Variants in CSMD1 observed in about 807,000 individuals in gnomAD.
CSMD1 encodes the protein CUB and Sushi multiple domains 1, also known as CUB and sushi domain-containing protein 1.
In CSMD1, 213 loss-of-function variants were observed where a neutral mutation model predicts 417.5. The observed-to-expected ratio is 0.51, with a 90% CI of 0.46 to 0.57. The LOEUF (loss-of-function observed/expected upper bound fraction) is 0.57, where lower values mean the gene tolerates loss of function less well. Among genes scored for constraint, CSMD1 ranks in the 20% least tolerant of loss-of-function variants. CSMD1 has a pLI of 0.00. For synonymous variants in CSMD1, 2,862 were observed against 1,736.8 expected (o/e 1.65, Z -16.11); for missense variants, 6,923 against 4,529.7 (o/e 1.53, Z -15.17).
At chr8:3,458,226 C>A (rs578019518) in intron 12 of CSMD1, among the ~76,000 whole-genome samples, 1 of 152,308 alleles carries the variant, frequency 6.6e-6, no homozygotes, top group Admixed American at 6.5e-5. Flanking sequence ...GCCACTAACA[C>A]TGGAATTTAA....
chr8:4,259,347 C>G (rs758794466), intron 3 of CSMD1, among the ~76,000 whole-genome samples: 12 of 152,102 alleles, frequency 7.9e-5, no homozygotes, highest in Non-Finnish European at 1.2e-4. Flanking sequence ...AGCCTGAGAA[C>G]AGGAAAGCGA....
chr8:3,917,000 C>T (rs1381186109), intron 5 of CSMD1, among the ~76,000 whole-genome samples: 1 of 152,118 alleles, frequency 6.6e-6, no homozygotes, highest in African/African-American at 2.4e-5. Flanking sequence ...CTCCACTGCC[C>T]TATGAAGCAT....
At chr8:3,855,576 G>C (rs982916482) in intron 5 of CSMD1, among the ~76,000 whole-genome samples, 2 of 152,130 alleles carry the variant, frequency 1.3e-5, no homozygotes, top group African/African-American at 2.4e-5. Context: ...GATTAACTGA[G>C]TTTCAGTTGG....
intron 3 of CSMD1, among the ~76,000 whole-genome samples, chr8:4,185,207 G>C (rs11136707): frequency 0.17 from 25,295 of 148,614 alleles, 2,322 homozygotes; most frequent in East Asian, 0.29. Flanking sequence ...ATGCAAAAAT[G>C]AGTACAGGCT....
chr8:4,085,808 A>T (rs955201347), intron 3 of CSMD1, among the ~76,000 whole-genome samples: 3 of 152,154 alleles, frequency 2.0e-5, no homozygotes, highest in Admixed American at 2.0e-4. Flanking sequence ...AGACACCATG[A>T]AGCTTCCTGA....
Position 4,043,067 on chromosome 8 carries a change from G to C in CSMD1, c.416-10968C>G, listed in dbSNP as rs6982533. 9.5e-3 allele frequency among the ~76,000 whole-genome samples: 1,440 copies of C among 152,146 alleles called. 22 individuals are homozygous for C. Among genetic ancestry groups the C allele is most frequent in the African/African-American group, 0.033 (1,368 of 41,496 alleles). ...GAATCACTTGAACCTTGGAGGCACA[G>C]GGTGCAGTGAGCGGAAATTGCACCA... On this transcript the variant is annotated intron_variant, in intron 3 of 69. Coordinates refer to ENST00000635120, the MANE Select transcript of CSMD1 (RefSeq NM_033225.6).
intron 13 of CSMD1, among the ~76,000 whole-genome samples, chr8:3,408,488 T>A (rs1006285040): frequency 6.6e-6 from 1 of 150,792 alleles, no homozygotes; most frequent in Non-Finnish European, 1.5e-5. Flanking sequence ...TCCTTTCCAG[T>A]TGACTGAAAA....
chr8:4,160,687 C>T (rs769829108), intron 3 of CSMD1, among the ~76,000 whole-genome samples: 8 of 152,246 alleles, frequency 5.3e-5, no homozygotes, highest in African/African-American at 1.9e-4. Flanking sequence ...CAATGTCCCA[C>T]ACTCCATGTC....
intron 1 of CSMD1, among the ~76,000 whole-genome samples, chr8:4,975,940 A>G (rs1166377267): frequency 6.6e-6 from 1 of 152,224 alleles, no homozygotes; most frequent in East Asian, 1.9e-4. Flanking sequence ...ATAAAACATA[A>G]TTTTATTTAC....
intron 1 of CSMD1, among the ~76,000 whole-genome samples, chr8:4,740,045 G>A (rs2116999806): frequency 6.6e-6 from 1 of 152,090 alleles, no homozygotes; most frequent in South Asian, 2.1e-4. Context: ...GAATGCCACA[G>A]CTCTGGGAAT....
At chr8:3,794,063 A>G (rs1585008053) in intron 5 of CSMD1, among the ~76,000 whole-genome samples, 2 of 152,276 alleles carry the variant, frequency 1.3e-5, no homozygotes, top group Admixed American at 6.5e-5. Flanking sequence ...GTGTTCCACC[A>G]TCATTGGCTT....
At chr8:4,342,719 G>A (rs958349245) in intron 3 of CSMD1, among the ~76,000 whole-genome samples, 1 of 152,060 alleles carries the variant, frequency 6.6e-6, no homozygotes, top group African/African-American at 2.4e-5. Flanking sequence ...TTAGCAAAGG[G>A]AGAACATTCC....
At chr8:4,511,574 T>A (rs1183693145) in intron 2 of CSMD1, among the ~76,000 whole-genome samples, 1 of 151,736 alleles carries the variant, frequency 6.6e-6, no homozygotes, top group Non-Finnish European at 1.5e-5. Flanking sequence ...GAGGTGGGGG[T>A]CATAGGACAA....
chr8:2,961,694 C>T lies in CSMD1; in HGVS notation c.9629-480G>A, dbSNP rs1483456553. 2.0e-5 allele frequency among the ~76,000 whole-genome samples: 3 copies of T among 152,150 alleles called. No homozygotes were observed. In the East Asian group the frequency reaches 5.8e-4, roughly 29 times the overall value. ...GAACCACATGGAAAACCAAGAGTGA[C>T]ATTTTTCAAAAAACACAGGACTTGG... On this transcript the variant is annotated intron_variant, in intron 61 of 69. Transcript: ENST00000635120.
intron 11 of CSMD1, among the ~76,000 whole-genome samples, chr8:3,478,860 T>C (rs569338008): frequency 5.3e-5 from 8 of 152,102 alleles, no homozygotes; most frequent in Non-Finnish European, 8.8e-5. Context: ...ATATAAATGA[T>C]CTCACCTGGG....
chr8:4,112,908 C>T (rs761510376), intron 3 of CSMD1, among the ~76,000 whole-genome samples: 2 of 152,058 alleles, frequency 1.3e-5, no homozygotes, highest in Non-Finnish European at 2.9e-5. Context: ...TCTATTGGAG[C>T]CATTTCTCCA....
At chr8:4,056,112 C>T (rs1369619317) in intron 3 of CSMD1, among the ~76,000 whole-genome samples, 7 of 123,918 alleles carry the variant, frequency 5.6e-5, no homozygotes, top group African/African-American at 2.1e-4. Flanking sequence ...GACAGAGTCT[C>T]ACTTTGTCAC....
chr8:3,850,375 G>A (rs993460317), intron 5 of CSMD1, among the ~76,000 whole-genome samples: 3 of 152,140 alleles, frequency 2.0e-5, no homozygotes, highest in Non-Finnish European at 4.4e-5. Flanking sequence ...TGTCCTGTAA[G>A]CACTGACACT....
Position 3,968,646 on chromosome 8 carries a change from T to C in CSMD1, c.818+29257A>G, listed in dbSNP as rs181684570. On this transcript the variant is annotated intron_variant, in intron 5 of 69. Transcript: ENST00000635120. ...CTACATAGAACACAGTCTGAGGCTC[T>C]ACTGTCCTAAATCCCGAAAGCTGAT... Among the ~76,000 whole-genome samples, 436 of 152,304 alleles carry C rather than the reference T, an allele frequency of 2.9e-3. 18 individuals are homozygous for C. Among genetic ancestry groups the C allele is most frequent in the Admixed American group, 0.028 (428 of 15,306 alleles).
Sources: allele counts gnomAD v4.1 joint callset (sites outside exome capture counted in the v4.1 genomes callset), GRCh38; gene constraint gnomAD v4.1.1; transcripts MANE v1.5; gene names NCBI Gene and HGNC (gene_info 2026-07-23, HGNC 2026-07-21).